The following ZNF618 variants were observed in gnomAD, a reference collection of about 807,000 sequenced individuals.
ZNF618 encodes the protein neural precursor cell expressed, developmentally down-regulated 10.
Under a neutral mutation model 103.0 loss-of-function variants are expected in ZNF618, and 34 were observed. The observed-to-expected ratio is 0.33, with a 90% CI of 0.25 to 0.44. The LOEUF is 0.44. Ranked by LOEUF, ZNF618 falls within the 20% of genes least tolerant of loss-of-function variation. The probability of loss-of-function intolerance (pLI) is 1.00; values close to 1 mark genes in which losing one functional copy is unlikely to be tolerated. For missense variants in ZNF618, 1,059 were observed against 1,295.4 expected (o/e 0.82, Z 2.80); for synonymous variants, 551 against 542.2 (o/e 1.02, Z -0.23).
chr9:113,908,039 C>T (rs556147366), intron 1 of ZNF618, among the ~76,000 whole-genome samples: 49 of 152,138 alleles, frequency 3.2e-4, no homozygotes, highest in Middle Eastern at 3.4e-3. Flanking sequence ...ACAAGGATGA[C>T]GCACAGTGTG....
chr9:113,959,297 A>G (rs1030075703), intron 1 of ZNF618, among the ~76,000 whole-genome samples: 59 of 152,210 alleles, frequency 3.9e-4, no homozygotes, highest in African/African-American at 1.3e-3. Context: ...CAAAAAAAAA[A>G]AAGTGTTTTA....
At chr9:113,962,510 G>C (rs1202974398) in intron 1 of ZNF618, among the ~76,000 whole-genome samples, 1 of 152,192 alleles carries the variant, frequency 6.6e-6, no homozygotes, top group Non-Finnish European at 1.5e-5. Context: ...TCGGTGGCCT[G>C]CAAGGCTCTG....
intron 2 of ZNF618, among the ~76,000 whole-genome samples, chr9:113,973,139 A>G (rs1054141708): frequency 1.3e-5 from 2 of 152,216 alleles, no homozygotes; most frequent in Non-Finnish European, 2.9e-5. Context: ...TGATTTGACC[A>G]CGGCCAGGTG....
intron 6 of ZNF618, among the ~76,000 whole-genome samples, chr9:114,003,406 A>T (rs1481136023): frequency 6.6e-6 from 1 of 152,242 alleles, no homozygotes; most frequent in African/African-American, 2.4e-5. Flanking sequence ...TATCTGCTGC[A>T]AGATGCAAAC....
intron 1 of ZNF618, among the ~76,000 whole-genome samples, chr9:113,902,353 C>A (rs1392827586): frequency 6.6e-6 from 1 of 152,176 alleles, no homozygotes; most frequent in African/African-American, 2.4e-5. Context: ...TTCTTTCCCT[C>A]CCTTTTAAAA....
intron 2 of ZNF618, among the ~76,000 whole-genome samples, chr9:113,983,082 A>G (rs1220528847): frequency 6.6e-6 from 1 of 152,258 alleles, no homozygotes; most frequent in African/African-American, 2.4e-5. Flanking sequence ...CGACACAAAT[A>G]GAATAGATTA....
At chr9:113,933,866 G>A (rs1334133195) in intron 1 of ZNF618, among the ~76,000 whole-genome samples, 1 of 152,064 alleles carries the variant, frequency 6.6e-6, no homozygotes, top group Non-Finnish European at 1.5e-5. Flanking sequence ...CAGGGCAAGG[G>A]TGACAGGGTG....
chr9:114,036,362 A>T lies in ZNF618; in HGVS notation c.1231A>T (p.Met411Leu). The T allele has an allele frequency of 6.3e-7, 1 of 1,578,272 alleles. No homozygotes were observed. Among genetic ancestry groups the T allele is most frequent in the Non-Finnish European group, 8.6e-7 (1 of 1,161,282 alleles). ...GTTCTACAACAACCTGTTGGAGCAC[A>T]TGCAGTCCCATGCAGGTAAGTAGGA... Reference protein sequence around the residue: ...FQFYNNLLEHMQSHAADNENN... With the variant: ...FQFYNNLLEHLQSHAADNENN... The change falls in exon 13 of 15, where the codon ATG becomes TTG. Residue 411 changes from methionine (M) to leucine (L), a missense_variant. Around this residue, in one of 6 missense-constraint regions of ZNF618, gnomAD observed 434 missense variants for 476.0 expected, o/e 0.91. Transcript: ENST00000374126.
chr9:114,000,261 A>T (rs1467618991), intron 4 of ZNF618, among the ~76,000 whole-genome samples: 1 of 152,084 alleles, frequency 6.6e-6, no homozygotes, highest in African/African-American at 2.4e-5. Flanking sequence ...TACAGACCTC[A>T]GTCATGAATT....
chr9:113,918,003 C>T (rs973782658), intron 1 of ZNF618, among the ~76,000 whole-genome samples: 2 of 152,124 alleles, frequency 1.3e-5, no homozygotes, highest in African/African-American at 2.4e-5. Flanking sequence ...GCCTAGGAGC[C>T]GATCCGGGAT....
chr9:114,050,703 C>CA lies in ZNF618; in HGVS notation c.*536_*537insA, dbSNP rs1564356383. The CA allele has an allele frequency of 6.5e-6, 1 of 153,218 alleles. No homozygotes were observed. Among genetic ancestry groups the CA allele is most frequent in the Non-Finnish European group, 1.5e-5 (1 of 68,522 alleles). 9.5% of individuals were successfully genotyped at this position (153,218 alleles called of 1,614,324 possible). A position where few individuals can be genotyped will look rare whatever the true frequency, so the allele number is the denominator to read the frequency against. The stretch of plus-strand genomic sequence containing the variant: ...ACTTGACGCTCTCTGTCCTTCACCC[C>CA]GGTCCTCCTTTTCCCTCTTTGACCC... On this transcript the variant is annotated 3_prime_UTR_variant, in exon 15 of 15. Coordinates refer to ENST00000374126, the MANE Select transcript of ZNF618 (RefSeq NM_001318042.2).
At chr9:114,010,712 T>C (rs763559178) in intron 9 of ZNF618, among the ~76,000 whole-genome samples, 3 of 152,110 alleles carry the variant, frequency 2.0e-5, no homozygotes, top group Non-Finnish European at 4.4e-5. Context: ...CAAAAAATAA[T>C]TCCAAAGAAT....
intron 1 of ZNF618, among the ~76,000 whole-genome samples, chr9:113,942,006 A>C (rs541257570): frequency 6.6e-6 from 1 of 152,180 alleles, no homozygotes; most frequent in Non-Finnish European, 1.5e-5. Flanking sequence ...CTCCTACCAC[A>C]TAGTGCTGTT....
At chr9:113,878,442 A>C (rs1828162721) in intron 1 of ZNF618, among the ~76,000 whole-genome samples, 1 of 152,234 alleles carries the variant, frequency 6.6e-6, no homozygotes, top group African/African-American at 2.4e-5. Flanking sequence ...ACAATATTTC[A>C]TGTGGAGGTT....
At chr9:113,922,649 T>G (rs1228099663) in intron 1 of ZNF618, among the ~76,000 whole-genome samples, 3 of 152,216 alleles carry the variant, frequency 2.0e-5, no homozygotes, top group Non-Finnish European at 2.9e-5. Context: ...GTTCTGTTTA[T>G]TGTGATCTAC....
In ZNF618 at chr9:114,028,734, T is replaced by A; in HGVS notation, c.846T>A (p.Ser282Arg). Residue 282 changes from serine to arginine, a missense_variant and splice_region_variant, in exon 11 of 15, where the codon AGT (serine) becomes AGA (arginine). Around this residue, in one of 6 missense-constraint regions of ZNF618, gnomAD observed 434 missense variants for 476.0 expected, o/e 0.91. Coordinates refer to ENST00000374126, the MANE Select transcript of ZNF618 (RefSeq NM_001318042.2). ...GGACTGAGAGCGTGACCCTCTCAGG[T>A]ACTGCCCCCGGGTGGGAGCCACCGG... The part of the protein sequence containing the change: ...QEHVALHAPI[S>R]TAPGWEPPDD... 6.5e-7 allele frequency: 1 copy of A among 1,549,978 alleles called. No individual in the cohort carries two copies. The highest frequency in any genetic ancestry group is 8.7e-7 in the Non-Finnish European group (1 of 1,146,748).
At chr9:113,910,975 T>C (rs1351167373) in intron 1 of ZNF618, among the ~76,000 whole-genome samples, 1 of 151,406 alleles carries the variant, frequency 6.6e-6, no homozygotes, top group African/African-American at 2.4e-5. Context: ...GGATTACAGG[T>C]GCCTGCCACT....
Position 114,048,643 on chromosome 9 carries a change from T to C in ZNF618, c.1349-8T>C, listed in dbSNP as rs1482402230. The C allele has an allele frequency of 6.2e-7, 1 of 1,603,156 alleles. No individual in the cohort carries two copies. Among genetic ancestry groups the C allele is most frequent in the Non-Finnish European group, 8.5e-7 (1 of 1,172,672 alleles). On this transcript the variant is annotated splice_polypyrimidine_tract_variant and splice_region_variant and intron_variant, in intron 14 of 14. Transcript: ENST00000374126. ...ATTAATCCCATCTGTCTTTGTGTCC[T>C]CTGCCAGCCACTACCAGTGGTTTAA...
intron 11 of ZNF618, among the ~76,000 whole-genome samples, chr9:114,029,993 G>T (rs983451539): frequency 2.0e-5 from 3 of 152,232 alleles, no homozygotes; most frequent in Non-Finnish European, 4.4e-5. Flanking sequence ...GTAGGGCAGA[G>T]TGATGATGTG....
Sources: gnomAD v4.1 joint callset for allele counts (sites outside exome capture counted in the v4.1 genomes callset) on GRCh38, gnomAD v4.1.1 for gene constraint, gnomAD v4.1.1 regional missense constraint, MANE v1.5 for transcripts, NCBI Gene and HGNC (gene_info 2026-07-23, HGNC 2026-07-21) for gene names.